TLR2: variants seen among roughly 807,000 people sequenced by gnomAD.
TLR2 encodes the protein toll-like receptor 2.
TLR2 carries 7 observed loss-of-function variants against 9.1 expected under a neutral mutation model. That is an observed-to-expected ratio of 0.77 (90% CI 0.44 to 1.44). TLR2 has a LOEUF of 1.44. TLR2 is among the 40% of genes most tolerant of loss of function. The pLI is 0.01. For synonymous variants in TLR2, 317 were observed against 344.6 expected (o/e 0.92, Z 0.89); for missense variants, 812 against 904.6 (o/e 0.90, Z 1.31).
intron 2 of TLR2, among the ~76,000 whole-genome samples, chr4:153,700,390 A>C (rs926474679): frequency 6.6e-6 from 1 of 152,248 alleles, no homozygotes; most frequent in Non-Finnish European, 1.5e-5. Context: ...AAGAACTTTA[A>C]GCAAAAACCA....
chr4:153,702,985 T>G lies in TLR2; in HGVS notation c.78T>G (p.Ala26=). Residue 26 remains alanine, a synonymous_variant, in exon 3 of 3, where the codon GCT becomes GCG. Coordinates refer to ENST00000642700, the MANE Select transcript of TLR2 (RefSeq NM_001318789.2). ...SLSKEESSNQ[A]SLSCDRNGIC... ...CCAAGGAAGAATCCTCCAATCAGGC[T>G]TCTCTGTCTTGTGACCGCAATGGTA... 1 of 1,614,122 alleles carries G rather than the reference T, an allele frequency of 6.2e-7. No homozygotes were observed. The highest frequency in any genetic ancestry group is 1.1e-5 in the South Asian group (1 of 91,076).
downstream of TLR2, among the ~76,000 whole-genome samples, chr4:153,707,601 A>G (rs944984188): frequency 1.3e-5 from 2 of 152,172 alleles, no homozygotes; most frequent in Non-Finnish European, 2.9e-5. Context: ...GAGGAAGGAA[A>G]CTTGAGATTC....
rs5743690 is a variant in TLR2, at chr4:153,687,231, C to T, written c.-162-671C>T. On this transcript the variant is annotated intron_variant, in intron 1 of 2. Transcript: ENST00000642700. Reference sequence around the variant, plus strand: ...TGCATATATTAGAAATGAAGAGTGACGAAAAATGAATGAGCAAGCAAATAC... The same window carrying T: ...TGCATATATTAGAAATGAAGAGTGATGAAAAATGAATGAGCAAGCAAATAC... Among the ~76,000 whole-genome samples the T allele has an allele frequency of 6.8e-3, 1,029 of 151,460 alleles. 12 individuals carry two copies. Among genetic ancestry groups the T allele is most frequent in the African/African-American group, 0.023 (948 of 41,230 alleles).
Position 153,703,505 on chromosome 4 carries a change from G to A in TLR2, c.598G>A (p.Val200Ile), listed in dbSNP as rs1401416663. ...EPKSLKSIQNVSHLILHMKQH... is the reference protein window; with the variant it reads ...EPKSLKSIQNISHLILHMKQH... ...AAAAAGTTTGAAGTCAATTCAGAAT[G>A]TAAGTCATCTGATCCTTCATATGAA... The change falls in exon 3 of 3, where the codon GTA becomes ATA. Residue 200 changes from valine (V) to isoleucine (I), a missense_variant. By Grantham distance (29) the Val-to-Ile change is conservative. Transcript: ENST00000642700. 5 of 1,613,828 alleles carry A rather than the reference G, an allele frequency of 3.1e-6. No homozygotes were observed. Among genetic ancestry groups the A allele is most frequent in the Non-Finnish European group, 4.2e-6 (5 of 1,179,892 alleles).
chr4:153,688,978 GACAA>G (rs1180809944), intron 2 of TLR2, among the ~76,000 whole-genome samples: 2 of 152,168 alleles, frequency 1.3e-5, no homozygotes, highest in African/African-American at 2.4e-5. Flanking sequence ...ACTATACAAA[GACAA>G]ACAACACAGA....
At chr4:153,710,611 G>A, downstream of TLR2, 2 of 958,142 alleles carry the variant, frequency 2.1e-6, no homozygotes, top group Non-Finnish European at 3.1e-6. Flanking sequence ...TTAATTCTAT[G>A]TGCTCAATTA....
At chr4:153,706,727 G>A (rs1737344583), downstream of TLR2, among the ~76,000 whole-genome samples, 2 of 152,314 alleles carry the variant, frequency 1.3e-5, no homozygotes, top group South Asian at 4.1e-4. Context: ...AACCAGAACT[G>A]GGTGTATGTG....
chr4:153,700,977 T>C (rs756732428), intron 2 of TLR2, among the ~76,000 whole-genome samples: 52 of 152,152 alleles, frequency 3.4e-4, no homozygotes, highest in Non-Finnish European at 6.9e-4. Flanking sequence ...CCCAGGTAGA[T>C]TATAGATCTA....
chr4:153,705,143 C>A lies in TLR2; in HGVS notation c.2236C>A (p.Pro746Thr), dbSNP rs368695448. 6.2e-7 allele frequency: 1 copy of A among 1,614,152 alleles called. No homozygotes were observed. The highest frequency in any genetic ancestry group is 8.5e-7 in the Non-Finnish European group (1 of 1,180,028). The stretch of plus-strand genomic sequence containing the variant: ...GGAGCCCATTGAGAAAAAAGCCATT[C>A]CCCAGCGCTTCTGCAAGCTGCGGAA... ...LLEPIEKKAIPQRFCKLRKIM... is the reference protein window; with the variant it reads ...LLEPIEKKAITQRFCKLRKIM... Residue 746 changes from proline (P) to threonine (T), a missense_variant, in exon 3 of 3, where the codon CCC (proline) becomes ACC (threonine). Transcript: ENST00000642700.
intron 2 of TLR2, among the ~76,000 whole-genome samples, chr4:153,694,954 C>G (rs1736387139): frequency 6.6e-6 from 1 of 152,184 alleles, no homozygotes; most frequent in South Asian, 2.1e-4. Flanking sequence ...CCTTATTTCA[C>G]TTAACATAAT....
In TLR2 at chr4:153,703,429, C is replaced by T. The variant is rs775846293; in HGVS notation, c.522C>T (p.Thr174=). 6.2e-7 allele frequency: 1 copy of T among 1,614,008 alleles called. No homozygotes were observed. The highest frequency in any genetic ancestry group is 1.1e-5 in the South Asian group (1 of 91,056). Residue 174 remains threonine, a synonymous_variant, in exon 3 of 3, where the codon ACC becomes ACT. Transcript: ENST00000642700. ...AAAGAAAAGATTTTGCTGGACTTAC[C>T]TTCCTTGAGGAACTTGAGATTGATG... The part of the protein sequence containing the change: ...KIQRKDFAGL[T]FLEELEIDAS...
rs1226872366 is a variant in TLR2, at chr4:153,687,923, G to A, written c.-141G>A. The A allele has an allele frequency of 6.6e-6, 1 of 152,230 alleles. No individual in the cohort carries two copies. The highest frequency in any genetic ancestry group is 2.1e-4 in the South Asian group (1 of 4,828). The allele number at this position is 152,230 out of a possible 1,614,324, so 9.4% of individuals were successfully genotyped here. ...GAAGTTTCTCTTTTAACAGTGTTTG[G>A]TGTTGCAAGCAGGATCCAAAGGAGA... On this transcript the variant is annotated 5_prime_UTR_variant, in exon 2 of 3. It adds an upstream start codon to the 5' untranslated region. Transcript: ENST00000642700.
rs561899797 is a variant in TLR2 at position 153,703,568 on chromosome 4, A to G, written c.661A>G (p.Thr221Ala). 6.2e-7 allele frequency: 1 copy of G among 1,614,160 alleles called. No homozygotes were observed. The highest frequency in any genetic ancestry group is 1.3e-5 in the African/African-American group (1 of 75,072). Reference sequence around the variant, plus strand: ...ACTGCTGGAGATTTTTGTAGATGTTACAAGTTCCGTGGAATGTTTGGAACT... The same window carrying G: ...ACTGCTGGAGATTTTTGTAGATGTTGCAAGTTCCGTGGAATGTTTGGAACT... ...ILLLEIFVDVTSSVECLELRD... is the reference protein window; with the variant it reads ...ILLLEIFVDVASSVECLELRD... Residue 221 changes from threonine to alanine, a missense_variant, in exon 3 of 3, where the codon ACA becomes GCA. Coordinates refer to ENST00000642700, the MANE Select transcript of TLR2 (RefSeq NM_001318789.2).
chr4:153,690,596 C>T (rs745357333), intron 2 of TLR2, among the ~76,000 whole-genome samples: 8 of 152,310 alleles, frequency 5.3e-5, no homozygotes, highest in Middle Eastern at 3.4e-3. Context: ...AACGAGGGAA[C>T]GTGTGACATC....
chr4:153,700,732 A>G (rs1474780588), intron 2 of TLR2, among the ~76,000 whole-genome samples: 2 of 152,212 alleles, frequency 1.3e-5, no homozygotes, highest in African/African-American at 2.4e-5. Context: ...AAATACATCT[A>G]TCACCTAGAT....
intron 2 of TLR2, among the ~76,000 whole-genome samples, chr4:153,695,909 A>G (rs1736461583): frequency 6.6e-6 from 1 of 152,206 alleles, no homozygotes; most frequent in Admixed American, 6.5e-5. Flanking sequence ...TACTTTTCCC[A>G]GTACCATTTG....
At position 153,705,372 on chromosome 4, in the gene TLR2, T is replaced by C. The variant is rs1469594191; in HGVS notation, c.*110T>C. The C allele has an allele frequency of 8.3e-7, 1 of 1,202,266 alleles. No individual in the cohort carries two copies. Among genetic ancestry groups the C allele is most frequent in the African/African-American group, 1.6e-5 (1 of 64,436 alleles). The allele number at this position is 1,202,266 out of a possible 1,614,324, so 74.5% of individuals were successfully genotyped here. A position where few individuals can be genotyped will look rare whatever the true frequency, so the allele number is the denominator to read the frequency against. On this transcript the variant is annotated 3_prime_UTR_variant, in exon 3 of 3. Coordinates refer to ENST00000642700, the MANE Select transcript of TLR2 (RefSeq NM_001318789.2). Reference sequence around the variant, plus strand: ...AAAAACTACGTGGATGTACCGTCATTTGAGGACTTGCTTACTAAAACTACA... The same window carrying C: ...AAAAACTACGTGGATGTACCGTCATCTGAGGACTTGCTTACTAAAACTACA...
intron 2 of TLR2, among the ~76,000 whole-genome samples, chr4:153,690,044 A>G (rs1735996689): frequency 6.6e-6 from 1 of 152,060 alleles, no homozygotes; most frequent in African/African-American, 2.4e-5. Context: ...CAAATCAGCT[A>G]TTGATTCTGG....
rs1485118429 is a variant in TLR2 at position 153,690,567 on chromosome 4, T to A, written c.-17+2520T>A. 1.1e-4 allele frequency among the ~76,000 whole-genome samples: 16 copies of A among 152,228 alleles called. No individual in the cohort carries two copies. In the East Asian group the frequency reaches 3.1e-3, roughly 29 times the overall value. On this transcript the variant is annotated intron_variant, in intron 2 of 2. Transcript: ENST00000642700. ...GAGAAAAGGTGTCCACACATACATG[T>A]ACATAAGCTAGTCTCCCAAACGAGG...
Sources: allele counts gnomAD v4.1 joint callset (sites outside exome capture counted in the v4.1 genomes callset), GRCh38; gene constraint gnomAD v4.1.1; transcripts MANE v1.5; gene names NCBI Gene and HGNC (gene_info 2026-07-23, HGNC 2026-07-21).